INPP5D: variants seen among roughly 807,000 people sequenced by gnomAD.
INPP5D encodes phosphatidylinositol 3,4,5-trisphosphate 5-phosphatase 1.
In INPP5D, 33 loss-of-function variants were observed where a neutral mutation model predicts 122.9. The ratio of observed to expected loss-of-function variants is 0.27; its 90% CI spans 0.20 to 0.36. The LOEUF (loss-of-function observed/expected upper bound fraction) is 0.36, where lower values mean the gene tolerates loss of function less well. Ranked by LOEUF, INPP5D falls within the 10% of genes least tolerant of loss-of-function variation. INPP5D has a pLI of 1.00. For synonymous variants in INPP5D, 584 were observed against 576.2 expected (o/e 1.01, Z -0.19); for missense variants, 1,053 against 1,412.7 (o/e 0.75, Z 4.08).
chr2:233,062,329 C>G (rs115991382), intron 1 of INPP5D, among the ~76,000 whole-genome samples: 1 of 152,206 alleles, frequency 6.6e-6, no homozygotes, highest in Non-Finnish European at 1.5e-5. Flanking sequence ...GACTCCGAGC[C>G]GTGAGCATCT....
At chr2:233,185,618 T>A (rs1036081301) in intron 20 of INPP5D, among the ~76,000 whole-genome samples, 1 of 145,598 alleles carries the variant, frequency 6.9e-6, no homozygotes, top group Non-Finnish European at 1.5e-5. Flanking sequence ...TTGATTTTCC[T>A]AAAAATAATT....
At chr2:233,093,468 G>A (rs1692041890) in intron 2 of INPP5D, among the ~76,000 whole-genome samples, 1 of 152,104 alleles carries the variant, frequency 6.6e-6, no homozygotes, top group Non-Finnish European at 1.5e-5. Context: ...ATCATTTGAG[G>A]TCAGGAGTTC....
intron 9 of INPP5D, among the ~76,000 whole-genome samples, chr2:233,148,572 G>A (rs1693833885): frequency 6.6e-6 from 1 of 152,178 alleles, no homozygotes; most frequent in Non-Finnish European, 1.5e-5. Context: ...AGGCAGGGGG[G>A]TAGGCAATGC....
intron 18 of INPP5D, 90 bp from the exon 19 acceptor site, chr2:233,182,320 A>G: frequency 2.6e-6 from 4 of 1,567,590 alleles, no homozygotes; most frequent in South Asian, 2.3e-5. Flanking sequence ...CTCCATAACT[A>G]AAGTTTCTTT....
intron 9 of INPP5D, 128 bp from the exon 10 acceptor site, chr2:233,158,185 A>G: frequency 1.7e-6 from 1 of 594,830 alleles, no homozygotes; most frequent in Middle Eastern, 2.6e-4. Flanking sequence ...GAGCTGGGAG[A>G]CCAGACACAA....
At chr2:233,185,714 TAAAAA>T (rs34533084) in intron 20 of INPP5D, 124 bp from the exon 21 acceptor site, 3,264 of 623,212 alleles carry the variant, frequency 5.2e-3, no homozygotes, top group East Asian at 8.7e-3. Flanking sequence ...GGCCCCGAGA[TAAAAA>T]AAAAAAAAAA....
intron 16 of INPP5D, 23 bp from the exon 17 acceptor site, chr2:233,171,041 A>C: frequency 1.9e-6 from 3 of 1,613,140 alleles, no homozygotes; most frequent in Non-Finnish European, 2.5e-6. Flanking sequence ...ATCAGAATTA[A>C]AACGAAAGTC....
intron 22 of INPP5D, among the ~76,000 whole-genome samples, chr2:233,191,496 C>T (rs1467691713): frequency 6.6e-6 from 1 of 152,072 alleles, no homozygotes; most frequent in African/African-American, 2.4e-5. Context: ...GATGCAGTGC[C>T]GCGGGTAAGG....
intron 24 of INPP5D, among the ~76,000 whole-genome samples, chr2:233,195,773 G>C (rs13027728): frequency 0.43 from 64,724 of 152,008 alleles, 13,954 homozygotes; most frequent in African/African-American, 0.48. Flanking sequence ...TTGAGACCAG[G>C]CTGGCCGACA....
chr2:233,149,021 A>G (rs1230403491), intron 9 of INPP5D, among the ~76,000 whole-genome samples: 2 of 151,744 alleles, frequency 1.3e-5, no homozygotes, highest in African/African-American at 4.9e-5. Context: ...ATATGCAACA[A>G]TGATTCACAG....
At position 233,146,000 on chromosome 2, in the gene INPP5D, A is replaced by G. The variant is rs1168656882; in HGVS notation, c.754-162A>G. 3 of 701,782 alleles carry G rather than the reference A, an allele frequency of 4.3e-6. No individual in the cohort carries two copies. In the African/African-American group the frequency reaches 5.2e-5, roughly 12 times the overall value. 43.5% of individuals were successfully genotyped at this position (701,782 alleles called of 1,614,324 possible). On this transcript the variant is annotated intron_variant, in intron 6 of 26. Coordinates refer to ENST00000445964, the MANE Select transcript of INPP5D (RefSeq NM_001017915.3). ...GCCATGTGAATTCTGAGAAGATTGTAGAGATCCCTGTGTCCTCATCTGCCA... is the reference window on the plus strand; with the variant it reads ...GCCATGTGAATTCTGAGAAGATTGTGGAGATCCCTGTGTCCTCATCTGCCA...
chr2:233,098,599 A>G (rs1692215221), intron 2 of INPP5D, among the ~76,000 whole-genome samples: 1 of 152,174 alleles, frequency 6.6e-6, no homozygotes, highest in Non-Finnish European at 1.5e-5. Flanking sequence ...CAACTGTTTG[A>G]AAAACCAGGC....
intron 1 of INPP5D, among the ~76,000 whole-genome samples, chr2:233,069,332 A>G (rs1288607185): frequency 6.6e-6 from 1 of 152,206 alleles, no homozygotes; most frequent in Non-Finnish European, 1.5e-5. Flanking sequence ...ATAAACAGCA[A>G]TGTCCTGTTC....
rs2106302856 is a variant in INPP5D at position 233,170,691 on chromosome 2, C to T, written c.1900+87C>T. The T allele has an allele frequency of 1.3e-6, 2 of 1,524,754 alleles. No homozygotes were observed. Among genetic ancestry groups the T allele is most frequent in the South Asian group, 2.3e-5 (2 of 85,888 alleles). The allele number at this position is 1,524,754 out of a possible 1,614,324, so 94.5% of individuals were successfully genotyped here. On this transcript the variant is annotated intron_variant, in intron 16 of 26. Coordinates refer to ENST00000445964, the MANE Select transcript of INPP5D (RefSeq NM_001017915.3). The surrounding 1 kb of genome is among the most constrained non-coding windows in gnomAD (Gnocchi z 4.5). ...GGCCGAGGCGGGCGGATCACGAGAT[C>T]AGGAGATGGAGACCATCCTGGCTAA...
intron 19 of INPP5D, 100 bp from the exon 20 acceptor site, chr2:233,184,308 G>A: frequency 6.7e-7 from 1 of 1,481,996 alleles, no homozygotes; most frequent in Non-Finnish European, 9.0e-7. Context: ...ACCTTCCTGG[G>A]ACCCTGAGAA....
At chr2:233,086,926 C>A (rs1028644503) in intron 2 of INPP5D, among the ~76,000 whole-genome samples, 2 of 152,176 alleles carry the variant, frequency 1.3e-5, no homozygotes, top group Non-Finnish European at 2.9e-5. Flanking sequence ...CCTGCTCCAG[C>A]CCTGTCCCAG....
chr2:233,160,110 G>A lies in INPP5D; in HGVS notation c.1138-1614G>A, dbSNP rs1182371113. 6.6e-6 allele frequency among the ~76,000 whole-genome samples: 1 copy of A among 152,174 alleles called. No individual in the cohort carries two copies. The highest frequency in any genetic ancestry group is 1.5e-5 in the Non-Finnish European group (1 of 68,030). ...GATAAATGGAGGCCATGAATCTTGAGCCACTCCCAACTCGAGGCAGGTTAT... is the reference window on the plus strand; with the variant it reads ...GATAAATGGAGGCCATGAATCTTGAACCACTCCCAACTCGAGGCAGGTTAT... On this transcript the variant is annotated intron_variant, in intron 10 of 26. Transcript: ENST00000445964. This position sits in a 1 kb window ranked among gnomAD's most constrained non-coding sequence, Gnocchi z 4.2.
intron 4 of INPP5D, among the ~76,000 whole-genome samples, chr2:233,129,884 T>TTGTGTGTGTGTG (rs140392015): frequency 8.7e-5 from 13 of 149,716 alleles, no homozygotes; most frequent in African/African-American, 2.0e-4. Flanking sequence ...TGGCCTCCTT[T>TTGTGTGTGTGTG]TGTGTGTGTG....
intron 1 of INPP5D, among the ~76,000 whole-genome samples, chr2:233,072,105 T>G (rs868555350): frequency 6.6e-6 from 1 of 152,242 alleles, no homozygotes; most frequent in Non-Finnish European, 1.5e-5. Flanking sequence ...AGAATCGCTA[T>G]GGACCACCTG....
Sources: gnomAD v4.1 joint callset for allele counts (sites outside exome capture counted in the v4.1 genomes callset) on GRCh38, gnomAD v4.1.1 for gene constraint, Gnocchi (gnomAD v3.1) non-coding constraint, MANE v1.5 for transcripts, NCBI Gene and HGNC (gene_info 2026-07-23, HGNC 2026-07-21) for gene names.